Variants in LYPLAL1 observed in about 807,000 individuals in gnomAD.
The protein encoded by LYPLAL1 is lysophospholipase like 1, also known as lysophospholipase-like protein 1.
A neutral mutation model predicts 19.7 loss-of-function variants in LYPLAL1; 23 were observed. The observed-to-expected ratio is 1.17, with a 90% CI of 0.84 to 1.65. The LOEUF (loss-of-function observed/expected upper bound fraction) is 1.65. Ranked by LOEUF, LYPLAL1 falls within the 40% of genes most tolerant of loss-of-function variation. The pLI, the probability that LYPLAL1 is intolerant of heterozygous loss-of-function variation, is 0.00. For synonymous variants in LYPLAL1, 119 were observed against 96.3 expected (o/e 1.24, Z -1.38); for missense variants, 355 against 279.4 (o/e 1.27, Z -1.93).
chr1:219,397,722 T>C, the LYPLAL1 span, among the ~76,000 whole-genome samples: 1 of 152,236 alleles, frequency 6.6e-6, no homozygotes, highest in East Asian at 1.9e-4. Flanking sequence ...TAGTGCTTCT[T>C]CAGAAGCTCT....
the LYPLAL1 span, among the ~76,000 whole-genome samples, chr1:219,292,743 C>T: frequency 1.3e-5 from 2 of 152,154 alleles, no homozygotes; most frequent in Non-Finnish European, 2.9e-5. Flanking sequence ...AAGGTAGGCC[C>T]TCTGTTTCTA....
the LYPLAL1 span, among the ~76,000 whole-genome samples, chr1:219,269,797 T>G: frequency 6.6e-6 from 1 of 152,194 alleles, no homozygotes; most frequent in East Asian, 1.9e-4. Flanking sequence ...CATATCATAC[T>G]ATGAAGAAGT....
At chr1:219,304,345 C>A in the LYPLAL1 span, among the ~76,000 whole-genome samples, 5 of 152,318 alleles carry the variant, frequency 3.3e-5, no homozygotes, top group African/African-American at 1.2e-4. Context: ...TTCAAGCAGA[C>A]AGAGTCACTG....
the LYPLAL1 span, among the ~76,000 whole-genome samples, chr1:219,289,792 A>G: frequency 1.3e-5 from 2 of 152,230 alleles, no homozygotes; most frequent in East Asian, 3.9e-4. Flanking sequence ...CAGTTCAGAA[A>G]AGTTAAATAA....
At chr1:219,300,756 C>A in the LYPLAL1 span, among the ~76,000 whole-genome samples, 14 of 151,842 alleles carry the variant, frequency 9.2e-5, no homozygotes, top group Admixed American at 8.5e-4. Context: ...AAGATGGTCT[C>A]AATCTCCTGA....
At chr1:219,349,651 G>A in the LYPLAL1 span, among the ~76,000 whole-genome samples, 2 of 152,206 alleles carry the variant, frequency 1.3e-5, no homozygotes, top group African/African-American at 4.8e-5. Context: ...GTATGTGCTT[G>A]TGTGTTCATG....
the LYPLAL1 span, among the ~76,000 whole-genome samples, chr1:219,402,086 T>A: frequency 6.6e-6 from 1 of 152,160 alleles, no homozygotes; most frequent in South Asian, 2.1e-4. Context: ...AAGTAAAAGC[T>A]GGCAATAAAA....
At chr1:219,203,192 AAAAC>A (rs1658260613) in intron 3 of LYPLAL1, among the ~76,000 whole-genome samples, 1 of 152,160 alleles carries the variant, frequency 6.6e-6, no homozygotes, top group African/African-American at 2.4e-5. Flanking sequence ...GTAACTTTAT[AAAAC>A]AAAACTACTC....
At chr1:219,356,451 G>A in the LYPLAL1 span, among the ~76,000 whole-genome samples, 30,612 of 152,078 alleles carry the variant, frequency 0.2, 3,652 homozygotes, top group Admixed American at 0.31. Context: ...AGTGAGTTGA[G>A]ATCACACCAT....
At chr1:219,195,311 G>A (rs1302045787) in intron 3 of LYPLAL1, among the ~76,000 whole-genome samples, 1 of 151,972 alleles carries the variant, frequency 6.6e-6, no homozygotes, top group Non-Finnish European at 1.5e-5. Context: ...GGCAGAAGGG[G>A]TAAGTAAAAG....
chr1:219,414,853 GC>G, the LYPLAL1 span, among the ~76,000 whole-genome samples: 1 of 152,134 alleles, frequency 6.6e-6, no homozygotes, highest in Non-Finnish European at 1.5e-5. Context: ...AGGCACTGAG[GC>G]TATGGTAGGC....
the LYPLAL1 span, among the ~76,000 whole-genome samples, chr1:219,439,994 C>CACATATATATATATAT: frequency 2.6e-5 from 3 of 117,646 alleles, no homozygotes; most frequent in African/African-American, 7.1e-5. Context: ...TATATATACA[C>CACATATATATATATAT]ACATATATAT....
At chr1:219,378,928 G>A in the LYPLAL1 span, among the ~76,000 whole-genome samples, 1 of 152,152 alleles carries the variant, frequency 6.6e-6, no homozygotes, top group African/African-American at 2.4e-5. Flanking sequence ...ACTTTACCAA[G>A]GGGGAGAGCT....
the LYPLAL1 span, among the ~76,000 whole-genome samples, chr1:219,400,844 A>G: frequency 6.6e-6 from 1 of 152,130 alleles, no homozygotes; most frequent in Non-Finnish European, 1.5e-5. Flanking sequence ...CTAGCTATCT[A>G]TCTAATGATT....
At chr1:219,414,894 C>T in the LYPLAL1 span, among the ~76,000 whole-genome samples, 3 of 152,092 alleles carry the variant, frequency 2.0e-5, no homozygotes, top group Non-Finnish European at 4.4e-5. Context: ...ATATTAGCAG[C>T]ATGAGAAACC....
At chr1:219,371,724 A>G in the LYPLAL1 span, among the ~76,000 whole-genome samples, 3 of 151,832 alleles carry the variant, frequency 2.0e-5, no homozygotes, top group Admixed American at 6.6e-5. Flanking sequence ...AACCAATCCA[A>G]TTGTTTCCCT....
At chr1:219,322,468 A>G in the LYPLAL1 span, among the ~76,000 whole-genome samples, 1 of 152,210 alleles carries the variant, frequency 6.6e-6, no homozygotes, top group Non-Finnish European at 1.5e-5. Context: ...TTGGAACCAG[A>G]TAACTCATAT....
the LYPLAL1 span, among the ~76,000 whole-genome samples, chr1:219,233,082 A>G: frequency 6.6e-6 from 1 of 152,226 alleles, no homozygotes; most frequent in Non-Finnish European, 1.5e-5. Flanking sequence ...TCACAGCAGC[A>G]TTATTCACAA....
chr1:219,224,478 G>C, the LYPLAL1 span, among the ~76,000 whole-genome samples: 9 of 152,174 alleles, frequency 5.9e-5, no homozygotes, highest in African/African-American at 2.2e-4. Flanking sequence ...TACTGGAGGG[G>C]AATTCAGAGA....
Sources: gnomAD v4.1 joint callset for allele counts (sites outside exome capture counted in the v4.1 genomes callset) on GRCh38, gnomAD v4.1.1 for gene constraint, MANE v1.5 for transcripts, NCBI Gene and HGNC (gene_info 2026-07-23, HGNC 2026-07-21) for gene names.